BMP10: variants seen among roughly 807,000 people sequenced by gnomAD.
The protein encoded by BMP10 is bone morphogenetic protein 10.
Under a neutral mutation model 29.9 loss-of-function variants are expected in BMP10, and 9 were observed. The observed-to-expected ratio is 0.30, with a 90% CI of 0.18 to 0.53. BMP10 has a LOEUF of 0.53. Ranked by LOEUF, BMP10 falls within the 20% of genes least tolerant of loss-of-function variation. The pLI, the probability that BMP10 is intolerant of heterozygous loss-of-function variation, is 0.96. For synonymous variants in BMP10, 202 were observed against 200.2 expected (o/e 1.01, Z -0.07); for missense variants, 474 against 524.3 (o/e 0.90, Z 0.94).
chr2:68,869,948 T>C (rs1350195320), intron 1 of BMP10, among the ~76,000 whole-genome samples: 1 of 152,218 alleles, frequency 6.6e-6, no homozygotes, highest in Non-Finnish European at 1.5e-5. Context: ...AACTATGTTA[T>C]GTAGGTATTA....
At chr2:68,869,527 A>G (rs970211461) in intron 1 of BMP10, among the ~76,000 whole-genome samples, 2 of 152,318 alleles carry the variant, frequency 1.3e-5, no homozygotes, top group East Asian at 1.9e-4. Context: ...GACCTGGATC[A>G]TCCAGATACT....
rs555000757 is a variant in BMP10 at position 68,864,951 on chromosome 2, T to C, written c.*680A>G. Reference sequence around the variant, plus strand: ...GCTGGTTTCTTCTGTTTTCCTGCCTTGACCAGGAGTTGCCCTCTGGAGCAC... The same window carrying C: ...GCTGGTTTCTTCTGTTTTCCTGCCTCGACCAGGAGTTGCCCTCTGGAGCAC... On this transcript the variant is annotated 3_prime_UTR_variant, in exon 2 of 2. Coordinates refer to ENST00000295379, the MANE Select transcript of BMP10 (RefSeq NM_014482.3). 1.3e-4 allele frequency among the ~76,000 whole-genome samples: 20 copies of C among 152,328 alleles called. No individual in the cohort carries two copies. Among genetic ancestry groups the C allele is most frequent in the African/African-American group, 4.6e-4 (19 of 41,586 alleles).
Position 68,862,639 on chromosome 2 carries a change from A to G in BMP10, c.*2992T>C, listed in dbSNP as rs1303147258. Among the ~76,000 whole-genome samples, 1 of 152,184 alleles carries G rather than the reference A, an allele frequency of 6.6e-6. No homozygotes were observed. The highest frequency in any genetic ancestry group is 2.4e-5 in the African/African-American group (1 of 41,446). The stretch of plus-strand genomic sequence containing the variant: ...TGGCATGGGACCCAGAAGAAGGTCT[A>G]TGACCAGAGAAACATTAGTAAGATT... On this transcript the variant is annotated 3_prime_UTR_variant, in exon 2 of 2. Transcript: ENST00000295379.
chr2:68,869,744 A>G (rs1001695392), intron 1 of BMP10, among the ~76,000 whole-genome samples: 1 of 152,218 alleles, frequency 6.6e-6, no homozygotes, highest in Non-Finnish European at 1.5e-5. Flanking sequence ...CATGAGAAAG[A>G]TATTATGAAT....
At chr2:68,867,462 C>A (rs547126609) in intron 1 of BMP10, among the ~76,000 whole-genome samples, 27 of 152,336 alleles carry the variant, frequency 1.8e-4, no homozygotes, top group Non-Finnish European at 3.7e-4. Context: ...GTACCCCTAG[C>A]ACCTGGCATG....
In BMP10 at chr2:68,865,583, C is replaced by G. The variant is rs774390280; in HGVS notation, c.*48G>C. ...TAAATAATCTCATTAAATAGGAACA[C>G]CAAATATACACATTTACAGTTATTA... is the stretch of plus-strand genomic sequence containing the variant. On this transcript the variant is annotated 3_prime_UTR_variant, in exon 2 of 2. Transcript: ENST00000295379. The surrounding 1 kb of genome is among the most constrained non-coding windows in gnomAD (Gnocchi z 4.7). 3.9e-6 allele frequency: 6 copies of G among 1,533,478 alleles called. No individual in the cohort carries two copies. The South Asian group carries it at 5.9e-5, about 15-fold the overall frequency. The allele number at this position is 1,533,478 out of a possible 1,614,324, so 95.0% of individuals were successfully genotyped here.
chr2:68,869,148 G>T (rs1229924953), intron 1 of BMP10, among the ~76,000 whole-genome samples: 1 of 152,160 alleles, frequency 6.6e-6, no homozygotes, highest in East Asian at 1.9e-4. Flanking sequence ...CATAATGCAG[G>T]TATTGATTCT....
rs766750234 is a variant in BMP10 at position 68,865,794 on chromosome 2, A to G, written c.1112T>C (p.Ile371Thr). The G allele has an allele frequency of 6.2e-7, 1 of 1,614,076 alleles. No individual in the cohort carries two copies. Among genetic ancestry groups the G allele is most frequent in the Non-Finnish European group, 8.5e-7 (1 of 1,179,990 alleles). The change falls in exon 2 of 2, where the codon ATT becomes ACT. Residue 371 changes from isoleucine (I) to threonine (T), a missense_variant. Around this residue, in one of 2 missense-constraint regions of BMP10, gnomAD observed 66 missense variants for 109.0 expected, o/e 0.61. Coordinates refer to ENST00000295379, the MANE Select transcript of BMP10 (RefSeq NM_014482.3). The surrounding 1 kb of genome is among the most constrained non-coding windows in gnomAD (Gnocchi z 4.7). ...CTTGAGGTGGACCAAGGCCTGGATAATTGCATGCTTTGTGGGTGTGAGATG... is the reference window on the plus strand; with the variant it reads ...CTTGAGGTGGACCAAGGCCTGGATAGTTGCATGCTTTGTGGGTGTGAGATG... Reference protein sequence around the residue: ...AEHLTPTKHAIIQALVHLKNS... With the variant: ...AEHLTPTKHATIQALVHLKNS...
chr2:68,864,288 A>G lies in BMP10; in HGVS notation c.*1343T>C, dbSNP rs1274737155. ...TAAATTCGTTTATTTAAATCCATTC[A>G]TTTGGACTCTGGTTTTCTTTTTCTT... On this transcript the variant is annotated 3_prime_UTR_variant, in exon 2 of 2. Coordinates refer to ENST00000295379, the MANE Select transcript of BMP10 (RefSeq NM_014482.3). 6.6e-6 allele frequency among the ~76,000 whole-genome samples: 1 copy of G among 152,032 alleles called. No homozygotes were observed. The highest frequency in any genetic ancestry group is 2.4e-5 in the African/African-American group (1 of 41,364).
intron 1 of BMP10, among the ~76,000 whole-genome samples, chr2:68,867,933 A>G (rs1682996905): frequency 6.6e-6 from 1 of 152,248 alleles, no homozygotes; most frequent in South Asian, 2.1e-4. Context: ...ATCCATACTA[A>G]GAAAAATATA....
chr2:68,866,191 G>A lies in BMP10; in HGVS notation c.715C>T (p.Leu239=), dbSNP rs957479756. The A allele has an allele frequency of 1.9e-6, 3 of 1,613,864 alleles. No homozygotes were observed. The African/African-American group carries it at 4.0e-5, about 22-fold the overall frequency. The change falls in exon 2 of 2, where the codon CTA becomes TTA. Residue 239 remains leucine, a synonymous_variant. Coordinates refer to ENST00000295379, the MANE Select transcript of BMP10 (RefSeq NM_014482.3). The part of the protein sequence containing the change: ...DEAEDASSGR[L]EIDTSAQNKH... Reference sequence around the variant, plus strand: ...TTCTGGGCACTGGTATCTATTTCTAGCCGTCCACTGCTGGCATCCTCAGCT... The same window carrying A: ...TTCTGGGCACTGGTATCTATTTCTAACCGTCCACTGCTGGCATCCTCAGCT...
chr2:68,866,819 G>T (rs1199967393), intron 1 of BMP10, among the ~76,000 whole-genome samples: 1 of 152,148 alleles, frequency 6.6e-6, no homozygotes, highest in East Asian at 1.9e-4. Context: ...CTAATGGATG[G>T]CATAAAACTC....
At chr2:68,868,219 C>A (rs1683001726) in intron 1 of BMP10, among the ~76,000 whole-genome samples, 1 of 152,184 alleles carries the variant, frequency 6.6e-6, no homozygotes, top group Non-Finnish European at 1.5e-5. Flanking sequence ...TACCACCTGT[C>A]AAAACACTCT....
intron 1 of BMP10, among the ~76,000 whole-genome samples, chr2:68,867,413 G>GA (rs1347362083): frequency 6.6e-6 from 1 of 152,202 alleles, no homozygotes; most frequent in African/African-American, 2.4e-5. Context: ...AGGAATGGGA[G>GA]AAAATGAATC....
chr2:68,864,262 A>G lies in BMP10; in HGVS notation c.*1369T>C, dbSNP rs1214543267. ...GAGTCATTTGCTTGTGTGTCTATTC[A>G]TAAATTCGTTTATTTAAATCCATTC... On this transcript the variant is annotated 3_prime_UTR_variant, in exon 2 of 2. Coordinates refer to ENST00000295379, the MANE Select transcript of BMP10 (RefSeq NM_014482.3). Among the ~76,000 whole-genome samples, 2 of 152,196 alleles carry G rather than the reference A, an allele frequency of 1.3e-5. No individual in the cohort carries two copies. The highest frequency in any genetic ancestry group is 2.9e-5 in the Non-Finnish European group (2 of 68,026).
rs1455591910 is a variant in BMP10, at chr2:68,864,522, G to A, written c.*1109C>T. On this transcript the variant is annotated 3_prime_UTR_variant, in exon 2 of 2. Coordinates refer to ENST00000295379, the MANE Select transcript of BMP10 (RefSeq NM_014482.3). ...CATGCATCATGAAGGCCAGGGAAGA[G>A]CAGGGACACAGGGATGGGAGGAAGG... 6.6e-6 allele frequency among the ~76,000 whole-genome samples: 1 copy of A among 152,108 alleles called. No homozygotes were observed. Among genetic ancestry groups the A allele is most frequent in the Non-Finnish European group, 1.5e-5 (1 of 68,004 alleles).
In BMP10 at chr2:68,866,292, T is replaced by C. The variant is rs1210092415; in HGVS notation, c.614A>G (p.Asp205Gly). Residue 205 changes from aspartate (D) to glycine (G), a missense_variant, in exon 2 of 2, where the codon GAT becomes GGT. Physicochemically the swap from Asp to Gly is moderately conservative, Grantham distance 94. Coordinates refer to ENST00000295379, the MANE Select transcript of BMP10 (RefSeq NM_014482.3). ...TGACTTTTGCCAACGTCTGATGGCATCTGTGACATCAAAAGTCTCCCACTC... is the reference window on the plus strand; with the variant it reads ...TGACTTTTGCCAACGTCTGATGGCACCTGTGACATCAAAAGTCTCCCACTC... ...NSEWETFDVT[D>G]AIRRWQKSGS... 1 of 1,613,982 alleles carries C rather than the reference T, an allele frequency of 6.2e-7. No homozygotes were observed. The highest frequency in any genetic ancestry group is 1.6e-4 in the Middle Eastern group (1 of 6,082).
chr2:68,871,292 G>A lies in BMP10; in HGVS notation c.67C>T (p.Pro23Ser). ...GGAGACTGCTCTAGGTTCATGATGG[G>A]GCTGCCAGAAACCAAGTAAGCTGCC... ...CLAAYLVSGS[P>S]IMNLEQSPLE... Residue 23 changes from proline to serine, a missense_variant, in exon 1 of 2, where the codon CCC becomes TCC. Physicochemically the swap from Pro to Ser is moderately conservative, Grantham distance 74 (BLOSUM62 -1). Around this residue, in one of 2 missense-constraint regions of BMP10, gnomAD observed 408 missense variants for 415.3 expected, o/e 0.98. Coordinates refer to ENST00000295379, the MANE Select transcript of BMP10 (RefSeq NM_014482.3). 1 of 1,614,104 alleles carries A rather than the reference G, an allele frequency of 6.2e-7. No individual in the cohort carries two copies. The highest frequency in any genetic ancestry group is 8.5e-7 in the Non-Finnish European group (1 of 1,179,998).
chr2:68,869,458 G>T (rs951912250), intron 1 of BMP10, among the ~76,000 whole-genome samples: 2 of 152,198 alleles, frequency 1.3e-5, no homozygotes, highest in East Asian at 1.9e-4. Flanking sequence ...TTTACTAAGA[G>T]ATGTGTTCCT....
Sources: gnomAD v4.1 joint callset for allele counts (sites outside exome capture counted in the v4.1 genomes callset) on GRCh38, gnomAD v4.1.1 for gene constraint, gnomAD v4.1.1 regional missense constraint, Gnocchi (gnomAD v3.1) non-coding constraint, MANE v1.5 for transcripts, NCBI Gene and HGNC (gene_info 2026-07-23, HGNC 2026-07-21) for gene names.